Variants in CACNA1B observed in about 807,000 individuals in gnomAD.
CACNA1B encodes the protein calcium voltage-gated channel subunit alpha1 B, also known as voltage-dependent N-type calcium channel subunit alpha-1B.
CACNA1B carries 70 observed loss-of-function variants against 247.2 expected under a neutral mutation model. That is an observed-to-expected ratio of 0.28 (90% CI 0.23 to 0.35). CACNA1B has a LOEUF of 0.35. Ranked by LOEUF, CACNA1B falls within the 10% of genes least tolerant of loss-of-function variation. CACNA1B has a pLI of 1.00. For synonymous variants in CACNA1B, 1,231 were observed against 1,294.4 expected (o/e 0.95, Z 1.05); for missense variants, 2,367 against 3,197.4 (o/e 0.74, Z 6.26).
chr9:138,120,783 G>A lies in CACNA1B; in HGVS notation c.6391G>A (p.Asp2131Asn), dbSNP rs748728095. 19 of 1,553,598 alleles carry A rather than the reference G, an allele frequency of 1.2e-5. No individual in the cohort carries two copies. The highest frequency in any genetic ancestry group is 4.1e-5 in the African/African-American group (3 of 73,030). Residue 2131 changes from aspartate to asparagine, a missense_variant, in exon 46 of 47, where the codon GAC becomes AAC. Asp to Asn is a conservative substitution (Grantham distance 23). Coordinates refer to ENST00000371372, the MANE Select transcript of CACNA1B (RefSeq NM_000718.4). The stretch of plus-strand genomic sequence containing the variant: ...GGAGAAGCAGCGCTTCTACTCCTGC[G>A]ACCGCTTTGGGGGCCGTGAGCCCCC... ...SSEKQRFYSC[D>N]RFGGREPPKP...
At position 137,977,609 on chromosome 9, in the gene CACNA1B, G is replaced by A. The variant is rs117425172; in HGVS notation, c.1656+1590G>A. On this transcript the variant is annotated intron_variant, in intron 12 of 46. Coordinates refer to ENST00000371372, the MANE Select transcript of CACNA1B (RefSeq NM_000718.4). Reference sequence around the variant, plus strand: ...CCGCAGGGAGCACAGGACACTTCCTGGGACCTGAACCCAGAGCCTAGGGAT... The same window carrying A: ...CCGCAGGGAGCACAGGACACTTCCTAGGACCTGAACCCAGAGCCTAGGGAT... 3.0e-3 allele frequency among the ~76,000 whole-genome samples: 462 copies of A among 152,304 alleles called. 18 individuals are homozygous for A. In the East Asian group the frequency reaches 0.077, roughly 25 times the overall value.
chr9:138,036,278 T>C (rs1406457475), intron 20 of CACNA1B, among the ~76,000 whole-genome samples: 1 of 152,218 alleles, frequency 6.6e-6, no homozygotes. Flanking sequence ...TAGCTGGGAC[T>C]ACAGGCGCCC....
intron 38 of CACNA1B, among the ~76,000 whole-genome samples, chr9:138,104,371 A>G (rs1416177558): frequency 6.6e-6 from 1 of 151,968 alleles, no homozygotes; most frequent in Non-Finnish European, 1.5e-5. Context: ...CCTCACTGCT[A>G]TCCCCAACGC....
At chr9:138,089,493 A>G (rs527716003) in intron 36 of CACNA1B, among the ~76,000 whole-genome samples, 3 of 152,302 alleles carry the variant, frequency 2.0e-5, no homozygotes, top group East Asian at 1.9e-4. Context: ...TGAAAACTCA[A>G]CAAGTTAGGT....
rs4066675 is a variant in CACNA1B, at chr9:138,020,098, CAAA to C, written c.2268-2894_2268-2892del. ...GGCGACACAGCGAGACTCTGTCTCC[CAAA>C]AAAAAAAAAAAAAAAAAATGCAGAT... On this transcript the variant is annotated intron_variant, in intron 18 of 46. Transcript: ENST00000371372. The surrounding 1 kb of genome is among the most constrained non-coding windows in gnomAD (Gnocchi z 4.1). Among the ~76,000 whole-genome samples, 2,883 of 83,736 alleles carry C rather than the reference CAAA, an allele frequency of 0.034. 33 individuals carry two copies. Among genetic ancestry groups the C allele is most frequent in the South Asian group, 0.067 (181 of 2,702 alleles). 54.9% of individuals were successfully genotyped at this position (83,736 alleles called of 152,430 possible). A position where few individuals can be genotyped will look rare whatever the true frequency, so the allele number is the denominator to read the frequency against.
In CACNA1B at chr9:137,893,664, T is replaced by A. The variant is rs571607143; in HGVS notation, c.530+10781T>A. Among the ~76,000 whole-genome samples the A allele has an allele frequency of 2.3e-4, 35 of 149,392 alleles. 1 individual carries two copies. The South Asian group carries it at 3.8e-3, about 16-fold the overall frequency. The stretch of plus-strand genomic sequence containing the variant: ...AGACTCTGTCTCAAAAAAAAAAAAA[T>A]GAAACAAAATAAAATAAAATAAAAT... On this transcript the variant is annotated intron_variant, in intron 3 of 46. Transcript: ENST00000371372.
At chr9:138,113,753 T>C (rs1205310091) in intron 40 of CACNA1B, among the ~76,000 whole-genome samples, 2 of 141,716 alleles carry the variant, frequency 1.4e-5, no homozygotes, top group African/African-American at 5.4e-5. Context: ...CAACTCCTCC[T>C]TGTGGGAGAC....
chr9:138,120,830 C>T lies in CACNA1B; in HGVS notation c.6438C>T (p.Ser2146=), dbSNP rs199546441. The part of the protein sequence containing the change: ...REPPKPKPSL[S]SHPTSPTAGQ... ...CCCCGAAGCCCAAGCCCTCCCTCAG[C>T]AGCCACCCAACGTCGCCAACAGCTG... The change falls in exon 46 of 47, where the codon AGC becomes AGT. Residue 2146 remains serine, a synonymous_variant. Coordinates refer to ENST00000371372, the MANE Select transcript of CACNA1B (RefSeq NM_000718.4). 2.2e-4 allele frequency: 347 copies of T among 1,570,826 alleles called. 4 individuals are homozygous for T. The South Asian group carries it at 3.8e-3, about 17-fold the overall frequency.
At chr9:137,943,264 C>T (rs1589022494) in intron 6 of CACNA1B, among the ~76,000 whole-genome samples, 2 of 152,106 alleles carry the variant, frequency 1.3e-5, no homozygotes, top group South Asian at 4.2e-4. Flanking sequence ...GCAAGTTGAC[C>T]CAAGTTTCTG....
At position 137,986,341 on chromosome 9, in the gene CACNA1B, T is replaced by G; in HGVS notation, c.1770-72T>G. The G allele has an allele frequency of 6.5e-7, 1 of 1,544,952 alleles. No individual in the cohort carries two copies. The highest frequency in any genetic ancestry group is 8.9e-7 in the Non-Finnish European group (1 of 1,129,864). ...TTTAGAAAGTCAGTGGAGCCTTAAG[T>G]GTGGCTGCAGAGAGCCATGAATGTG... On this transcript the variant is annotated intron_variant, in intron 13 of 46. Transcript: ENST00000371372. This position sits in a 1 kb window ranked among gnomAD's most constrained non-coding sequence, Gnocchi z 6.0.
intron 6 of CACNA1B, among the ~76,000 whole-genome samples, chr9:137,945,945 A>G (rs1957790871): frequency 2.6e-5 from 4 of 152,056 alleles, no homozygotes; most frequent in Admixed American, 2.6e-4. Context: ...CAGCCTCCCA[A>G]GTAACTGGGA....
At position 137,914,946 on chromosome 9, in the gene CACNA1B, A is replaced by G; in HGVS notation, c.775+140A>G. ...GAGCTGACATTCTAGTGGGGGACAT[A>G]GACGATAGCCTGATAAACACAAGTA... is the stretch of plus-strand genomic sequence containing the variant. On this transcript the variant is annotated intron_variant, in intron 5 of 46. Coordinates refer to ENST00000371372, the MANE Select transcript of CACNA1B (RefSeq NM_000718.4). This position sits in a 1 kb window ranked among gnomAD's most constrained non-coding sequence, Gnocchi z 4.3. 1 of 794,214 alleles carries G rather than the reference A, an allele frequency of 1.3e-6. No individual in the cohort carries two copies. Among genetic ancestry groups the G allele is most frequent in the Non-Finnish European group, 2.0e-6 (1 of 512,714 alleles). The allele number at this position is 794,214 out of a possible 1,614,324, so 49.2% of individuals were successfully genotyped here. A position where few individuals can be genotyped will look rare whatever the true frequency, so the allele number is the denominator to read the frequency against.
intron 34 of CACNA1B, among the ~76,000 whole-genome samples, chr9:138,074,655 C>T (rs1416722463): frequency 6.6e-6 from 1 of 152,250 alleles, no homozygotes; most frequent in East Asian, 1.9e-4. Flanking sequence ...GCCCTCGGCC[C>T]ATTGCCACCT....
chr9:138,099,793 G>C (rs544811240), intron 37 of CACNA1B, among the ~76,000 whole-genome samples: 35 of 152,370 alleles, frequency 2.3e-4, no homozygotes, highest in Non-Finnish European at 4.1e-4. Flanking sequence ...TCACCCTGGT[G>C]CTGCTTTTCC....
intron 15 of CACNA1B, among the ~76,000 whole-genome samples, chr9:137,989,556 A>G (rs1958407855): frequency 6.6e-6 from 1 of 152,258 alleles, no homozygotes; most frequent in Non-Finnish European, 1.5e-5. Context: ...ACGCTGCCCT[A>G]GAAAAATAGA....
At chr9:137,977,996 T>G (rs1380686685) in intron 12 of CACNA1B, among the ~76,000 whole-genome samples, 20 of 87,996 alleles carry the variant, frequency 2.3e-4, no homozygotes, top group Non-Finnish European at 2.9e-4. Context: ...CAGGAAGGAG[T>G]GACAGGTGGG....
Position 137,888,073 on chromosome 9 carries a change from C to T in CACNA1B, c.530+5190C>T, listed in dbSNP as rs572462074. The stretch of plus-strand genomic sequence containing the variant: ...GAGCACAGGTGTGGCCCAATTGACT[C>T]GTGATGGGTGCTGGGGGCACAGTGT... On this transcript the variant is annotated intron_variant, in intron 3 of 46. Transcript: ENST00000371372. This position sits in a 1 kb window ranked among gnomAD's most constrained non-coding sequence, Gnocchi z 4.7. Among the ~76,000 whole-genome samples the T allele has an allele frequency of 4.6e-5, 7 of 151,266 alleles. No individual in the cohort carries two copies. Among genetic ancestry groups the T allele is most frequent in the South Asian group, 4.2e-4 (2 of 4,752 alleles).
chr9:138,073,339 A>G lies in CACNA1B; in HGVS notation c.4675-149A>G, dbSNP rs1164144263. 6.8e-6 allele frequency: 4 copies of G among 591,554 alleles called. No individual in the cohort carries two copies. The highest frequency in any genetic ancestry group is 5.6e-5 in the African/African-American group (3 of 53,256). 36.6% of individuals were successfully genotyped at this position (591,554 alleles called of 1,614,324 possible). On this transcript the variant is annotated intron_variant, in intron 32 of 46. Transcript: ENST00000371372. The surrounding 1 kb of genome is among the most constrained non-coding windows in gnomAD (Gnocchi z 6.4). The stretch of plus-strand genomic sequence containing the variant: ...ATTTTCTGGTGGCCGATTGCTGCTT[A>G]GACTGTGAAGCAGAGACCTTTGATT...
At chr9:137,989,069 G>A (rs189652644) in intron 15 of CACNA1B, among the ~76,000 whole-genome samples, 48 of 152,314 alleles carry the variant, frequency 3.2e-4, no homozygotes, top group African/African-American at 1.1e-3. Context: ...AGTGCCAACA[G>A]CATCTACAGT....
Sources: gnomAD v4.1 joint callset for allele counts (sites outside exome capture counted in the v4.1 genomes callset) on GRCh38, gnomAD v4.1.1 for gene constraint, Gnocchi (gnomAD v3.1) non-coding constraint, MANE v1.5 for transcripts, NCBI Gene and HGNC (gene_info 2026-07-23, HGNC 2026-07-21) for gene names.